CERS6: variants seen among roughly 807,000 people sequenced by gnomAD.
CERS6 encodes ceramide synthase 6.
A neutral mutation model predicts 56.8 loss-of-function variants in CERS6; 26 were observed. The observed-to-expected ratio is 0.46, with a 90% CI of 0.34 to 0.63. CERS6 has a LOEUF of 0.63. Ranked by LOEUF, CERS6 falls within the 30% of genes least tolerant of loss-of-function variation. The pLI is 0.01. For synonymous variants in CERS6, 164 were observed against 173.3 expected, an observed-to-expected ratio of 0.95 and a Z score of 0.42; for missense variants, 415 against 467.5, an observed-to-expected ratio of 0.89 and a Z score of 1.04.
chr2:168,741,167 TACTC>T (rs761642060), intron 8 of CERS6, among the ~76,000 whole-genome samples: 3 of 152,204 alleles, frequency 2.0e-5, no homozygotes, highest in Non-Finnish European at 4.4e-5. Flanking sequence ...ACGAATTATC[TACTC>T]ACTCTAACCT....
chr2:168,700,874 G>C (rs1044974572), intron 6 of CERS6, among the ~76,000 whole-genome samples: 3 of 152,174 alleles, frequency 2.0e-5, no homozygotes, highest in African/African-American at 7.2e-5. Flanking sequence ...TTTCCTTGTA[G>C]TCATTAAGGC....
chr2:168,502,560 A>G (rs185101044), intron 1 of CERS6, among the ~76,000 whole-genome samples: 233 of 152,316 alleles, frequency 1.5e-3, no homozygotes, highest in African/African-American at 5.3e-3. Flanking sequence ...GCTAGGGCTC[A>G]AGGAGTCTGA....
chr2:168,584,177 A>G (rs775545604), intron 3 of CERS6, among the ~76,000 whole-genome samples: 4 of 152,320 alleles, frequency 2.6e-5, no homozygotes, highest in South Asian at 2.1e-4. Flanking sequence ...ACTTTCTCCA[A>G]AGATGCAGGT....
intron 6 of CERS6, among the ~76,000 whole-genome samples, chr2:168,704,668 G>A (rs1686891827): frequency 6.6e-6 from 1 of 152,080 alleles, no homozygotes; most frequent in South Asian, 2.1e-4. Flanking sequence ...GTGCAGTGGC[G>A]TGATCTTGGT....
intron 8 of CERS6, among the ~76,000 whole-genome samples, chr2:168,746,775 GTATATATATATATATATATATATATA>G (rs71003053): frequency 0.027 from 1,035 of 39,046 alleles, 44 homozygotes; most frequent in Non-Finnish European, 0.04. Flanking sequence ...AGGGTAAAGG[GTATATATATATATATATATATATATA>G]TATATATATA....
chr2:168,514,533 T>C (rs2105352462), intron 1 of CERS6, among the ~76,000 whole-genome samples: 1 of 152,360 alleles, frequency 6.6e-6, no homozygotes, highest in Admixed American at 6.5e-5. Context: ...CCTTAGAATA[T>C]GGGACATGAT....
intron 3 of CERS6, among the ~76,000 whole-genome samples, chr2:168,587,026 C>T (rs1271370293): frequency 1.3e-5 from 2 of 151,974 alleles, no homozygotes; most frequent in Non-Finnish European, 2.9e-5. Context: ...CAAAAATTAG[C>T]TGGGCATGTT....
chr2:168,487,400 C>T (rs376136286), intron 1 of CERS6, among the ~76,000 whole-genome samples: 6 of 152,154 alleles, frequency 3.9e-5, no homozygotes, highest in African/African-American at 1.4e-4. Context: ...AGGTGGAGTG[C>T]CTCCAAGGCT....
At chr2:168,756,734 C>G (rs923763672) in intron 8 of CERS6, among the ~76,000 whole-genome samples, 2 of 151,996 alleles carry the variant, frequency 1.3e-5, no homozygotes, top group African/African-American at 4.8e-5. Context: ...GGGTGAAGAA[C>G]GGAGAAAGGG....
intron 3 of CERS6, among the ~76,000 whole-genome samples, chr2:168,613,154 C>T (rs767536437): frequency 6.6e-6 from 1 of 152,152 alleles, no homozygotes; most frequent in Non-Finnish European, 1.5e-5. Context: ...ATAATAGTGT[C>T]CTTGACAGAG....
intron 3 of CERS6, among the ~76,000 whole-genome samples, chr2:168,597,099 G>T (rs143923217): frequency 9.2e-5 from 14 of 151,990 alleles, no homozygotes; most frequent in African/African-American, 3.4e-4. Flanking sequence ...TAGCTTTGTC[G>T]TGTCAGGCCC....
chr2:168,502,865 A>C (rs1037842970), intron 1 of CERS6, among the ~76,000 whole-genome samples: 4 of 152,206 alleles, frequency 2.6e-5, no homozygotes, highest in African/African-American at 9.6e-5. Flanking sequence ...CTCTGAGAAA[A>C]AAGATCCATC....
chr2:168,601,415 C>T (rs1302166779), intron 3 of CERS6, among the ~76,000 whole-genome samples: 1 of 152,026 alleles, frequency 6.6e-6, no homozygotes, highest in Admixed American at 6.5e-5. Flanking sequence ...TGTTTGTGGA[C>T]CTCTGCTTTC....
At position 168,771,339 on chromosome 2, in the gene CERS6, A is replaced by G. The variant is rs1684856649; in HGVS notation, c.*1677A>G. 1.3e-5 allele frequency: 2 copies of G among 152,244 alleles called. No homozygotes were observed. Among genetic ancestry groups the G allele is most frequent in the South Asian group, 4.1e-4 (2 of 4,826 alleles). The allele number at this position is 152,244 out of a possible 1,614,324, so 9.4% of individuals were successfully genotyped here. On this transcript the variant is annotated 3_prime_UTR_variant, in exon 10 of 10. Transcript: ENST00000305747. ...CAAAAAATTCTTACCGTAATATTATATCTTGCCCTACTTATTTACAAAATA... is the reference window on the plus strand; with the variant it reads ...CAAAAAATTCTTACCGTAATATTATGTCTTGCCCTACTTATTTACAAAATA...
At chr2:168,496,397 G>C (rs1694469892) in intron 1 of CERS6, among the ~76,000 whole-genome samples, 1 of 151,216 alleles carries the variant, frequency 6.6e-6, no homozygotes, top group Non-Finnish European at 1.5e-5. Flanking sequence ...CTAAAGATTT[G>C]AGCTAGAGTA....
At chr2:168,573,108 T>G (rs1011702615) in intron 3 of CERS6, among the ~76,000 whole-genome samples, 13 of 152,010 alleles carry the variant, frequency 8.6e-5, no homozygotes, top group African/African-American at 3.1e-4. Flanking sequence ...AAAAAAGGGG[T>G]GACTGGGGCA....
Position 168,520,598 on chromosome 2 carries a change from C to CTTTTTTTTT in CERS6, c.171-26977_171-26969dup, listed in dbSNP as rs150724635. Among the ~76,000 whole-genome samples the CTTTTTTTTT allele has an allele frequency of 2.9e-3, 165 of 57,894 alleles. 26 individuals carry two copies. The highest frequency in any genetic ancestry group is 6.0e-3 in the South Asian group (6 of 996). The allele number at this position is 57,894 out of a possible 152,430, so 38.0% of individuals were successfully genotyped here. On this transcript the variant is annotated intron_variant, in intron 1 of 9. Transcript: ENST00000305747. ...TTAACTCTTTAACATTTACAATATC[C>CTTTTTTTTT]TTTTTTTTTTTTTTTTTTTTTTTTT...
intron 4 of CERS6, among the ~76,000 whole-genome samples, chr2:168,662,679 T>C (rs542357515): frequency 6.8e-4 from 103 of 152,076 alleles, no homozygotes; most frequent in East Asian, 1.2e-3. Flanking sequence ...TTGCAGTGAG[T>C]TAAGATCACA....
intron 4 of CERS6, among the ~76,000 whole-genome samples, chr2:168,637,475 G>A (rs779924598): frequency 1.1e-4 from 16 of 151,912 alleles, no homozygotes; most frequent in African/African-American, 3.1e-4. Context: ...AGAGTGAGAC[G>A]CCGTCTAAAA....
Sources: allele counts gnomAD v4.1 joint callset (sites outside exome capture counted in the v4.1 genomes callset), GRCh38; gene constraint gnomAD v4.1.1; transcripts MANE v1.5; gene names NCBI Gene and HGNC (gene_info 2026-07-23, HGNC 2026-07-21).